The following PTPN21 variants were observed in gnomAD, a reference collection of about 807,000 sequenced individuals.
PTPN21 encodes protein tyrosine phosphatase non-receptor type 21.
In PTPN21, 77 loss-of-function variants were observed where a neutral mutation model predicts 131.8. The observed-to-expected ratio is 0.58, with a 90% CI of 0.49 to 0.71. The LOEUF (loss-of-function observed/expected upper bound fraction) is 0.71. Among genes scored for constraint, PTPN21 ranks in the 30% least tolerant of loss-of-function variants. The pLI is 0.00. For synonymous variants in PTPN21, 715 were observed against 621.3 expected, an observed-to-expected ratio of 1.15 and a Z score of -2.24; for missense variants, 1,552 against 1,527.1, an observed-to-expected ratio of 1.02 and a Z score of -0.27.
At chr14:88,518,304 A>ATGTG (rs1360346401) in intron 2 of PTPN21, among the ~76,000 whole-genome samples, 28 of 103,108 alleles carry the variant, frequency 2.7e-4, no homozygotes, top group African/African-American at 9.5e-4. Context: ...ACACACACAT[A>ATGTG]TATGTGTATA....
chr14:88,521,018 A>ATG (rs1566841460), intron 2 of PTPN21, among the ~76,000 whole-genome samples: 10 of 151,180 alleles, frequency 6.6e-5, no homozygotes, highest in Non-Finnish European at 1.5e-4. Context: ...ATATATATAT[A>ATG]TTTTTTTTGG....
chr14:88,532,446 G>A (rs1050257823), intron 2 of PTPN21, among the ~76,000 whole-genome samples: 1 of 152,094 alleles, frequency 6.6e-6, no homozygotes, highest in Non-Finnish European at 1.5e-5. Context: ...CTATACTTAC[G>A]TCAAGATTTT....
intron 2 of PTPN21, among the ~76,000 whole-genome samples, chr14:88,545,787 C>G (rs1373723265): frequency 6.6e-6 from 1 of 151,858 alleles, no homozygotes; most frequent in Non-Finnish European, 1.5e-5. Flanking sequence ...ACGGTGAAAC[C>G]CCATCTCTAC....
chr14:88,490,558 G>A (rs73315947), intron 10 of PTPN21, among the ~76,000 whole-genome samples: 5,607 of 152,190 alleles, frequency 0.037, 347 homozygotes, highest in African/African-American at 0.13. Context: ...TGGGATAGGG[G>A]CTGCTCCATC....
rs552886882 is a variant in PTPN21, at chr14:88,479,639, G to A, written c.1792C>T (p.Arg598Cys). 8.3e-6 allele frequency: 13 copies of A among 1,560,702 alleles called. No individual in the cohort carries two copies. Among genetic ancestry groups the A allele is most frequent in the East Asian group, 4.5e-5 (2 of 44,192 alleles). ...AACGTTTGCACCGAGTGGTGCACGC[G>A]CCGCGTGATGAGGTCGGGGTTGCTG... ...SSSNPDLITRRVHHSVQTFQE... is the reference protein window; with the variant it reads ...SSSNPDLITRCVHHSVQTFQE... The change falls in exon 13 of 19, where the codon CGC becomes TGC. Residue 598 changes from arginine to cysteine, a missense_variant. This residue lies in a region of PTPN21 where 1,016 missense variants were observed against 883.5 expected (regional missense o/e 1.15). Coordinates refer to ENST00000556564, the MANE Select transcript of PTPN21 (RefSeq NM_007039.4).
intron 2 of PTPN21, among the ~76,000 whole-genome samples, chr14:88,521,430 T>C (rs896809988): frequency 3.3e-5 from 5 of 151,950 alleles, no homozygotes; most frequent in Non-Finnish European, 7.4e-5. Flanking sequence ...GAGACGGAGT[T>C]TCACTCTTGT....
At position 88,537,757 on chromosome 14, in the gene PTPN21, G is replaced by C. The variant is rs147666883; in HGVS notation, c.180+12481C>G. ...TAACGATGTGGGAATGCATCATTAG[G>C]CTATTTCATTGTGTGAACATTATGG... On this transcript the variant is annotated intron_variant, in intron 2 of 18. Transcript: ENST00000556564. Among the ~76,000 whole-genome samples, 163 of 152,274 alleles carry C rather than the reference G, an allele frequency of 1.1e-3. 2 individuals are homozygous for C. The East Asian group carries it at 0.024, about 22-fold the overall frequency.
chr14:88,497,120 T>C, intron 9 of PTPN21, 83 bp downstream of exon 9: 1 of 1,094,832 alleles, frequency 9.1e-7, no homozygotes, highest in Non-Finnish European at 1.4e-6. Context: ...CTGCCCTGCC[T>C]CCAAACACAT....
chr14:88,488,039 T>C (rs1216012673), intron 10 of PTPN21, among the ~76,000 whole-genome samples: 1 of 151,986 alleles, frequency 6.6e-6, no homozygotes, highest in African/African-American at 2.4e-5. Context: ...ATTTACTTTG[T>C]CTCTGGTTAT....
intron 10 of PTPN21, among the ~76,000 whole-genome samples, chr14:88,486,084 G>A (rs569502341): frequency 6.8e-4 from 103 of 152,156 alleles, no homozygotes; most frequent in African/African-American, 2.4e-3. Context: ...CAGCATCATC[G>A]CCTGGACCCA....
chr14:88,473,870 T>C (rs2140087840), intron 13 of PTPN21, 68 bp from the exon 14 acceptor site: 3 of 1,403,830 alleles, frequency 2.1e-6, no homozygotes, highest in East Asian at 4.7e-5. Flanking sequence ...GAAGTTTCAA[T>C]GCACTGAAGA....
Position 88,479,219 on chromosome 14 carries a change from C to T in PTPN21, c.2212G>A (p.Gly738Ser), listed in dbSNP as rs1335820924. ...CAGCCAGGTGGGTCCTGGGCCAGGC[C>T]GGGCCGAGGCTCGCGCGCACGTGCA... ...PPARAREPRP[G>S]LAQDPPGCPR... Residue 738 changes from glycine to serine, a missense_variant, in exon 13 of 19, where the codon GGC becomes AGC. Gly to Ser is a moderately conservative substitution (Grantham distance 56, BLOSUM62 0). This residue lies in a region of PTPN21 where 1,016 missense variants were observed against 883.5 expected (regional missense o/e 1.15). Coordinates refer to ENST00000556564, the MANE Select transcript of PTPN21 (RefSeq NM_007039.4). 6.3e-7 allele frequency: 1 copy of T among 1,598,600 alleles called. No homozygotes were observed. Among genetic ancestry groups the T allele is most frequent in the East Asian group, 2.2e-5 (1 of 44,688 alleles).
intron 3 of PTPN21, among the ~76,000 whole-genome samples, chr14:88,510,128 T>C (rs10150311): frequency 0.35 from 52,763 of 152,082 alleles, 9,729 homozygotes; most frequent in African/African-American, 0.48. Flanking sequence ...ATTATACTGT[T>C]ATGAGAATTG....
intron 2 of PTPN21, among the ~76,000 whole-genome samples, chr14:88,520,383 C>G (rs2078370487): frequency 6.6e-6 from 1 of 150,884 alleles, no homozygotes; most frequent in African/African-American, 2.4e-5. Flanking sequence ...TGCACTCCAG[C>G]CTGGGTAACA....
At chr14:88,530,200 TAA>T (rs1328604655) in intron 2 of PTPN21, among the ~76,000 whole-genome samples, 1 of 145,318 alleles carries the variant, frequency 6.9e-6, no homozygotes, top group Non-Finnish European at 1.6e-5. Context: ...GAAGGAGAGA[TAA>T]AGTCTTTTTC....
Position 88,480,189 on chromosome 14 carries a change from C to T in PTPN21, c.1242G>A (p.Pro414=). 6.2e-7 allele frequency: 1 copy of T among 1,614,088 alleles called. No individual in the cohort carries two copies. The highest frequency in any genetic ancestry group is 8.5e-7 in the Non-Finnish European group (1 of 1,179,988). The change falls in exon 13 of 19, where the codon CCG becomes CCA. Residue 414 remains proline, a synonymous_variant. Transcript: ENST00000556564. ...CGGTGATGCTAGGGTTGGACGACAT[C>T]GGCGAGGGCTGCAAGTAGGGCTGAG... ...NNPQPYLQPS[P]MSSNPSITGS...
chr14:88,554,605 G>C (rs1025418286), intron 1 of PTPN21, 46 bp downstream of exon 1: 1 of 149,450 alleles, frequency 6.7e-6, no homozygotes, highest in Non-Finnish European at 1.5e-5. Context: ...CCCACCGCTC[G>C]GGCCAGCCGC....
intron 12 of PTPN21, 26 bp from the exon 13 acceptor site, chr14:88,480,378 A>T (rs1555383785): frequency 1.3e-6 from 2 of 1,532,886 alleles, no homozygotes; most frequent in South Asian, 1.2e-5. Flanking sequence ...TCAAAATGAG[A>T]TTTTTTTAAA....
At position 88,550,218 on chromosome 14, in the gene PTPN21, A is replaced by T; in HGVS notation, c.180+20T>A. The stretch of plus-strand genomic sequence containing the variant: ...CTTGAGCCACCCGCGCCTGGCCTGC[A>T]GTGTCTTTAGGTGGCTTACCTCCCG... On this transcript the variant is annotated intron_variant, in intron 2 of 18. Transcript: ENST00000556564. The T allele has an allele frequency of 6.2e-7, 1 of 1,607,498 alleles. No homozygotes were observed. Among genetic ancestry groups the T allele is most frequent in the Non-Finnish European group, 8.5e-7 (1 of 1,177,558 alleles).
Sources: gnomAD v4.1 joint callset for allele counts (sites outside exome capture counted in the v4.1 genomes callset) on GRCh38, gnomAD v4.1.1 for gene constraint, gnomAD v4.1.1 regional missense constraint, MANE v1.5 for transcripts, NCBI Gene and HGNC (gene_info 2026-07-23, HGNC 2026-07-21) for gene names.